The following PPM1L variants were observed in gnomAD, a reference collection of about 807,000 sequenced individuals.
PPM1L encodes protein phosphatase, Mg2+/Mn2+ dependent 1L.
Under a neutral mutation model 31.4 loss-of-function variants are expected in PPM1L, and 13 were observed. That is an observed-to-expected ratio of 0.41 (90% CI 0.27 to 0.66). PPM1L has a LOEUF of 0.66. Among genes scored for constraint, PPM1L ranks in the 30% least tolerant of loss-of-function variants. The pLI is 0.29. For synonymous variants in PPM1L, 184 were observed against 175.4 expected (o/e 1.05, Z -0.39); for missense variants, 326 against 453.7 (o/e 0.72, Z 2.56).
At chr3:161,025,577 GA>G (rs35588038) in intron 2 of PPM1L, among the ~76,000 whole-genome samples, 77,469 of 128,214 alleles carry the variant, frequency 0.6, 22,308 homozygotes, top group East Asian at 0.91. Flanking sequence ...ATTTGTAAAT[GA>G]AAAAAAAAAA....
intron 1 of PPM1L, among the ~76,000 whole-genome samples, chr3:160,777,250 G>A (rs1711583026): frequency 1.3e-5 from 2 of 152,206 alleles, no homozygotes; most frequent in Middle Eastern, 3.4e-3. Context: ...GAGCCCAGGA[G>A]TTTGACGTTG....
chr3:160,922,739 A>C (rs748420587), intron 1 of PPM1L, among the ~76,000 whole-genome samples: 6 of 152,230 alleles, frequency 3.9e-5, no homozygotes, highest in Non-Finnish European at 7.3e-5. Flanking sequence ...GGATTTATAC[A>C]CTTTTGGTAC....
chr3:160,829,750 G>A (rs1450209109), intron 1 of PPM1L, among the ~76,000 whole-genome samples: 1 of 152,158 alleles, frequency 6.6e-6, no homozygotes, highest in Admixed American at 6.5e-5. Flanking sequence ...ATTAAGAGGG[G>A]TTGGGAGGTA....
At chr3:160,905,873 G>T (rs1402971077) in intron 1 of PPM1L, among the ~76,000 whole-genome samples, 1 of 151,922 alleles carries the variant, frequency 6.6e-6, no homozygotes, top group African/African-American at 2.4e-5. Flanking sequence ...TTTTTTCTAA[G>T]ACTTTTTTCT....
chr3:160,825,252 C>A (rs1245320025), intron 1 of PPM1L, among the ~76,000 whole-genome samples: 5 of 151,868 alleles, frequency 3.3e-5, no homozygotes, highest in Non-Finnish European at 7.4e-5. Flanking sequence ...TATTTGGGAT[C>A]CTAAAATAGA....
At chr3:160,918,625 AT>A (rs1326582715) in intron 1 of PPM1L, among the ~76,000 whole-genome samples, 1 of 152,216 alleles carries the variant, frequency 6.6e-6, no homozygotes, top group East Asian at 1.9e-4. Context: ...TGATATAAAA[AT>A]ATCCTCCATA....
At position 160,968,329 on chromosome 3, in the gene PPM1L, G is replaced by A. The variant is rs535862262; in HGVS notation, c.574+6419G>A. 3.7e-4 allele frequency among the ~76,000 whole-genome samples: 57 copies of A among 152,204 alleles called. 1 individual carries two copies. The South Asian group carries it at 8.3e-3, about 22-fold the overall frequency. On this transcript the variant is annotated intron_variant, in intron 2 of 3. Coordinates refer to ENST00000498165, the MANE Select transcript of PPM1L (RefSeq NM_139245.4). ...TTATTTAATTGAAGTACAAGTTTTC[G>A]TACACTTCAGTAGATTGGGTTTAAC...
chr3:160,822,965 A>T (rs1296632641), intron 1 of PPM1L, among the ~76,000 whole-genome samples: 1 of 152,120 alleles, frequency 6.6e-6, no homozygotes, highest in Non-Finnish European at 1.5e-5. Context: ...TATAAACAAA[A>T]ACCATGAAAG....
rs566189724 is a variant in PPM1L, at chr3:160,981,443, TA to T, written c.574+19535del. 3.3e-5 allele frequency among the ~76,000 whole-genome samples: 5 copies of T among 152,284 alleles called. No homozygotes were observed. The South Asian group carries it at 1.0e-3, about 32-fold the overall frequency. Reference sequence around the variant, plus strand: ...ATGGCTTCCCTCAGTGTGAGTGATGTAAGAGACAGAGAGCAAGGGGGCACCC... The same window carrying T: ...ATGGCTTCCCTCAGTGTGAGTGATGTAGAGACAGAGAGCAAGGGGGCACCC... On this transcript the variant is annotated intron_variant, in intron 2 of 3. Transcript: ENST00000498165.
At chr3:160,842,298 T>C (rs939800077) in intron 1 of PPM1L, 2 of 702,264 alleles carry the variant, frequency 2.8e-6, no homozygotes, top group Non-Finnish European at 5.2e-6. Flanking sequence ...CAACAGTGAG[T>C]AGATCTGTTT....
chr3:160,761,476 A>C (rs550095271), intron 1 of PPM1L, among the ~76,000 whole-genome samples: 1 of 152,162 alleles, frequency 6.6e-6, no homozygotes, highest in Non-Finnish European at 1.5e-5. Context: ...TCTATTACCT[A>C]TTTATCTTAA....
At chr3:160,917,219 T>G (rs1714214795) in intron 1 of PPM1L, among the ~76,000 whole-genome samples, 1 of 152,210 alleles carries the variant, frequency 6.6e-6, no homozygotes. Flanking sequence ...GCAAATTAAT[T>G]AGTGGGACAA....
chr3:160,902,408 T>C (rs2108054678), intron 1 of PPM1L, among the ~76,000 whole-genome samples: 1 of 152,264 alleles, frequency 6.6e-6, no homozygotes, highest in East Asian at 1.9e-4. Flanking sequence ...TCTTATGTCA[T>C]TCCCTGTTAC....
chr3:161,047,966 C>A (rs1191545930), intron 2 of PPM1L, among the ~76,000 whole-genome samples: 1 of 152,162 alleles, frequency 6.6e-6, no homozygotes, highest in Non-Finnish European at 1.5e-5. Flanking sequence ...AAATGTTAGA[C>A]CTAAAACCAT....
At chr3:160,814,060 C>T (rs772031510) in intron 1 of PPM1L, among the ~76,000 whole-genome samples, 3 of 152,110 alleles carry the variant, frequency 2.0e-5, no homozygotes, top group East Asian at 1.9e-4. Flanking sequence ...CTGCAACTGA[C>T]GGGATATATT....
At chr3:160,922,716 G>A (rs1242299081) in intron 1 of PPM1L, among the ~76,000 whole-genome samples, 3 of 152,198 alleles carry the variant, frequency 2.0e-5, no homozygotes, top group Non-Finnish European at 4.4e-5. Context: ...TCCCACAGCA[G>A]TGAAAAGTAA....
intron 1 of PPM1L, among the ~76,000 whole-genome samples, chr3:160,802,155 C>A (rs1712449238): frequency 6.6e-6 from 1 of 152,170 alleles, no homozygotes. Context: ...ATGGGAAAGG[C>A]TCATCTTAGT....
intron 1 of PPM1L, among the ~76,000 whole-genome samples, chr3:160,821,048 G>A (rs1033906870): frequency 6.6e-5 from 10 of 151,974 alleles, no homozygotes; most frequent in African/African-American, 7.2e-5. Context: ...TTTTACAGCT[G>A]GGAAGACAGC....
chr3:160,882,050 C>CAAAA (rs35341382), intron 1 of PPM1L, among the ~76,000 whole-genome samples: 1 of 125,924 alleles, frequency 7.9e-6, no homozygotes, highest in South Asian at 2.8e-4. Context: ...GACTCTGTCT[C>CAAAA]AAAAAAAAAA....
Sources: allele counts gnomAD v4.1 joint callset (sites outside exome capture counted in the v4.1 genomes callset), GRCh38; gene constraint gnomAD v4.1.1; transcripts MANE v1.5; gene names NCBI Gene and HGNC (gene_info 2026-07-23, HGNC 2026-07-21).